The following GRIK2 variants were observed in gnomAD, a reference collection of about 807,000 sequenced individuals.
The protein encoded by GRIK2 is glutamate receptor ionotropic, kainate 2.
A neutral mutation model predicts 100.3 loss-of-function variants in GRIK2; 32 were observed. The ratio of observed to expected loss-of-function variants is 0.32; its 90% CI spans 0.24 to 0.43. The LOEUF (loss-of-function observed/expected upper bound fraction) is 0.43. GRIK2 is among the 20% of genes least tolerant of loss of function. The pLI, the probability that GRIK2 is intolerant of heterozygous loss-of-function variation, is 1.00. For missense variants in GRIK2, 843 were observed against 1,114.9 expected (o/e 0.76, Z 3.47); for synonymous variants, 417 against 389.4 (o/e 1.07, Z -0.83).
At chr6:102,017,345 C>A (rs918410096) in intron 14 of GRIK2, among the ~76,000 whole-genome samples, 1 of 152,136 alleles carries the variant, frequency 6.6e-6, no homozygotes, top group Non-Finnish European at 1.5e-5. Context: ...GTCATGAGAA[C>A]AGCATGGTGG....
intron 9 of GRIK2, among the ~76,000 whole-genome samples, chr6:101,813,588 T>C (rs1270751515): frequency 6.6e-6 from 1 of 152,170 alleles, no homozygotes; most frequent in Non-Finnish European, 1.5e-5. Flanking sequence ...ATATCAAAAT[T>C]ACAACCTTTT....
intron 2 of GRIK2, among the ~76,000 whole-genome samples, chr6:101,463,250 A>T (rs1319098243): frequency 6.6e-6 from 1 of 152,138 alleles, no homozygotes; most frequent in Admixed American, 6.5e-5. Context: ...AGTATGAGTT[A>T]AAAAAAGAAA....
chr6:101,722,431 A>G (rs1333843304), intron 7 of GRIK2, among the ~76,000 whole-genome samples: 4 of 152,076 alleles, frequency 2.6e-5, no homozygotes, highest in Admixed American at 1.3e-4. Flanking sequence ...TTGAATCTAC[A>G]TGATCTAATT....
intron 14 of GRIK2, among the ~76,000 whole-genome samples, chr6:101,969,360 A>G (rs1010553256): frequency 8.5e-5 from 13 of 152,078 alleles, no homozygotes; most frequent in African/African-American, 2.9e-4. Context: ...GAATTTGTAT[A>G]GCTTCAAAAT....
chr6:101,620,250 C>A, intron 2 of GRIK2: 2 of 845,952 alleles, frequency 2.4e-6, no homozygotes, highest in African/African-American at 1.8e-5. Context: ...TCCACATACA[C>A]AGAAGGAATC....
At chr6:102,010,358 C>T (rs1795463407) in intron 14 of GRIK2, among the ~76,000 whole-genome samples, 1 of 150,838 alleles carries the variant, frequency 6.6e-6, no homozygotes, top group Admixed American at 6.6e-5. Flanking sequence ...TTTCCTCCTC[C>T]TCCTCCTCCC....
At chr6:101,554,146 G>T (rs905862710) in intron 2 of GRIK2, among the ~76,000 whole-genome samples, 1 of 152,118 alleles carries the variant, frequency 6.6e-6, no homozygotes. Context: ...GCAAAGTTAT[G>T]GCTGAAATTA....
intron 16 of GRIK2, among the ~76,000 whole-genome samples, chr6:102,061,922 A>C (rs1453245958): frequency 6.6e-6 from 1 of 150,414 alleles, no homozygotes; most frequent in Non-Finnish European, 1.5e-5. Flanking sequence ...TCTTAAAAAA[A>C]ATCGTATCAT....
chr6:102,061,780 T>C (rs759757744), intron 16 of GRIK2, among the ~76,000 whole-genome samples: 1 of 150,488 alleles, frequency 6.6e-6, no homozygotes, highest in Non-Finnish European at 1.5e-5. Flanking sequence ...TCTTTGCACA[T>C]AACTGGCTTA....
chr6:101,851,220 T>C (rs535107092), intron 10 of GRIK2, among the ~76,000 whole-genome samples: 6 of 152,094 alleles, frequency 3.9e-5, no homozygotes, highest in Non-Finnish European at 5.9e-5. Flanking sequence ...TATTTGCCTA[T>C]GACAGAAGTT....
At chr6:101,677,170 T>C (rs1284678350) in intron 5 of GRIK2, among the ~76,000 whole-genome samples, 1 of 152,132 alleles carries the variant, frequency 6.6e-6, no homozygotes, top group African/African-American at 2.4e-5. Context: ...AGGAAAAAGA[T>C]GTAATAGATT....
intron 12 of GRIK2, among the ~76,000 whole-genome samples, chr6:101,896,426 A>G (rs1046075164): frequency 1.3e-5 from 2 of 151,820 alleles, no homozygotes; most frequent in African/African-American, 4.8e-5. Context: ...GCAATTTAAA[A>G]TTAATGTGCT....
chr6:101,979,709 A>G (rs1233099733), intron 14 of GRIK2, among the ~76,000 whole-genome samples: 1 of 151,922 alleles, frequency 6.6e-6, no homozygotes, highest in East Asian at 2.0e-4. Flanking sequence ...CACCCCCTTC[A>G]TCTTGGTGAT....
chr6:101,737,262 ATT>A (rs1236355641), intron 7 of GRIK2, among the ~76,000 whole-genome samples: 1 of 151,806 alleles, frequency 6.6e-6, no homozygotes, highest in East Asian at 1.9e-4. Flanking sequence ...CATTTTCAGT[ATT>A]TTTTCAGCAG....
intron 2 of GRIK2, among the ~76,000 whole-genome samples, chr6:101,556,159 GA>G (rs1776726160): frequency 6.6e-6 from 1 of 151,466 alleles, no homozygotes; most frequent in Non-Finnish European, 1.5e-5. Flanking sequence ...ATGACATTTT[GA>G]AAATTATCCG....
intron 10 of GRIK2, among the ~76,000 whole-genome samples, chr6:101,852,195 A>G (rs1260502933): frequency 6.6e-6 from 1 of 152,176 alleles, no homozygotes; most frequent in Non-Finnish European, 1.5e-5. Flanking sequence ...AAAACAAAAC[A>G]AAACAAACTC....
chr6:102,068,262 C>A, intron 16 of GRIK2, 85 bp from the exon 17 acceptor site: 1 of 963,650 alleles, frequency 1.0e-6, no homozygotes, highest in Non-Finnish European at 1.6e-6. Context: ...TGTGACAAGT[C>A]TGTTGAGGAT....
intron 14 of GRIK2, among the ~76,000 whole-genome samples, chr6:101,959,791 T>G (rs2128481911): frequency 6.6e-6 from 1 of 152,216 alleles, no homozygotes; most frequent in Admixed American, 6.5e-5. Context: ...TTTTAGGATT[T>G]TTTTCCTTCA....
At chr6:101,770,141 A>G (rs1296546129) in intron 7 of GRIK2, among the ~76,000 whole-genome samples, 1 of 152,054 alleles carries the variant, frequency 6.6e-6, no homozygotes, top group East Asian at 1.9e-4. Context: ...TTTGATTTTG[A>G]CACCTTTCAC....
Sources: allele counts gnomAD v4.1 joint callset (sites outside exome capture counted in the v4.1 genomes callset), GRCh38; gene constraint gnomAD v4.1.1; transcripts MANE v1.5; gene names NCBI Gene and HGNC (gene_info 2026-07-23, HGNC 2026-07-21).